Variants in ANGPT2 observed in about 807,000 individuals in gnomAD.
The protein encoded by ANGPT2 is angiopoietin 2.
A neutral mutation model predicts 62.9 loss-of-function variants in ANGPT2; 28 were observed. The observed-to-expected ratio is 0.44, with a 90% CI of 0.33 to 0.61. The LOEUF (loss-of-function observed/expected upper bound fraction) is 0.61, where lower values mean the gene tolerates loss of function less well. Among genes scored for constraint, ANGPT2 ranks in the 20% least tolerant of loss-of-function variants. The pLI is 0.03. For missense variants in ANGPT2, 727 were observed against 594.9 expected (o/e 1.22, Z -2.31); for synonymous variants, 284 against 207.8 (o/e 1.37, Z -3.15).
intron 1 of ANGPT2, among the ~76,000 whole-genome samples, chr8:6,537,956 G>C (rs1820804206): frequency 6.6e-6 from 1 of 151,964 alleles, no homozygotes; most frequent in African/African-American, 2.4e-5. Context: ...AGTGACCTAA[G>C]GTGGACAAAA....
chr8:6,557,518 C>T (rs190576889), intron 1 of ANGPT2, among the ~76,000 whole-genome samples: 1 of 152,172 alleles, frequency 6.6e-6, no homozygotes, highest in South Asian at 2.1e-4. Context: ...TTGTTAGGTT[C>T]CTTCAAGCCA....
Position 6,562,812 on chromosome 8 carries a change from G to A in ANGPT2, c.123C>T (p.Cys41=). The part of the protein sequence containing the change: ...KKQYQVQHGS[C]SYTFLLPEMD... Reference sequence around the variant, plus strand: ...TCTCTGGCAGGAGGAAAGTGTAGCTGCAGGACCCATGCTGGACCTGATATT... The same window carrying A: ...TCTCTGGCAGGAGGAAAGTGTAGCTACAGGACCCATGCTGGACCTGATATT... Residue 41 remains cysteine (C), a synonymous_variant, in exon 1 of 9, where the codon TGC becomes TGT. Transcript: ENST00000629816. 5 of 1,613,596 alleles carry A rather than the reference G, an allele frequency of 3.1e-6. No individual in the cohort carries two copies. The highest frequency in any genetic ancestry group is 2.2e-5 in the South Asian group (2 of 91,062).
At chr8:6,560,523 C>T (rs560466742) in intron 1 of ANGPT2, among the ~76,000 whole-genome samples, 3 of 152,248 alleles carry the variant, frequency 2.0e-5, no homozygotes, top group African/African-American at 4.8e-5. Context: ...GTAAACCGAG[C>T]GAGAGTGCAA....
rs10708602 is a variant in ANGPT2, at chr8:6,551,229, A to AT, written c.288+11417dup. ...AAGCTGAGAGGGCTGCTTATTCGTG[A>AT]TTTTTTTTTTCTTCTTTCTCATGCA... On this transcript the variant is annotated intron_variant, in intron 1 of 8. Transcript: ENST00000629816. Among the ~76,000 whole-genome samples the AT allele has an allele frequency of 1.7e-4, 26 of 150,414 alleles. 1 individual carries two copies. Among genetic ancestry groups the AT allele is most frequent in the East Asian group, 1.2e-3 (6 of 5,110 alleles).
In ANGPT2 at chr8:6,503,032, G is replaced by T; in HGVS notation, c.*69C>A. ...GGAAGAGGACACAGTGCGCAGCCGT[G>T]ACTTTCAGTGCACTGGGCTTAAGTC... On this transcript the variant is annotated 3_prime_UTR_variant, in exon 9 of 9. Transcript: ENST00000629816. The T allele has an allele frequency of 6.3e-7, 1 of 1,580,778 alleles. No individual in the cohort carries two copies. The highest frequency in any genetic ancestry group is 1.2e-5 in the South Asian group (1 of 86,544).
intron 7 of ANGPT2, among the ~76,000 whole-genome samples, chr8:6,510,511 C>G (rs1333422961): frequency 6.6e-6 from 1 of 152,158 alleles, no homozygotes; most frequent in Non-Finnish European, 1.5e-5. Context: ...TTAGTTTTAC[C>G]TGCTGGTCGG....
Position 6,502,883 on chromosome 8 carries a change from C to T in ANGPT2, c.*218G>A, listed in dbSNP as rs373673677. ...TTTGCATAGGTGTTCTGTCTAATCACAATTATGGATGTTTAGGGTCTTGCT... is the reference window on the plus strand; with the variant it reads ...TTTGCATAGGTGTTCTGTCTAATCATAATTATGGATGTTTAGGGTCTTGCT... On this transcript the variant is annotated 3_prime_UTR_variant, in exon 9 of 9. Coordinates refer to ENST00000629816, the MANE Select transcript of ANGPT2 (RefSeq NM_001118887.2). The T allele has an allele frequency of 1.3e-5, 7 of 546,922 alleles. No individual in the cohort carries two copies. Among genetic ancestry groups the T allele is most frequent in the Non-Finnish European group, 2.2e-5 (7 of 311,628 alleles). The allele number at this position is 546,922 out of a possible 1,614,324, so 33.9% of individuals were successfully genotyped here. A position where few individuals can be genotyped will look rare whatever the true frequency, so the allele number is the denominator to read the frequency against.
chr8:6,523,870 A>G (rs936105799), intron 3 of ANGPT2, among the ~76,000 whole-genome samples: 3 of 149,144 alleles, frequency 2.0e-5, no homozygotes, highest in Non-Finnish European at 3.0e-5. Flanking sequence ...TACAGGCATG[A>G]GCCACCGTGC....
At chr8:6,556,761 G>A (rs1040433228) in intron 1 of ANGPT2, among the ~76,000 whole-genome samples, 3 of 151,942 alleles carry the variant, frequency 2.0e-5, no homozygotes, top group Non-Finnish European at 1.5e-5. Context: ...CCACAGCTGC[G>A]TGCCATTGTA....
At chr8:6,536,823 G>A (rs970659848) in intron 1 of ANGPT2, among the ~76,000 whole-genome samples, 20 of 152,096 alleles carry the variant, frequency 1.3e-4, no homozygotes, top group Non-Finnish European at 2.2e-4. Context: ...TGACCTTGAT[G>A]AATTAGTTAT....
intron 1 of ANGPT2, among the ~76,000 whole-genome samples, chr8:6,549,543 T>C (rs1394055838): frequency 2.0e-5 from 3 of 151,872 alleles, no homozygotes; most frequent in Non-Finnish European, 4.4e-5. Context: ...TGCGCACATA[T>C]ATGGATGAGG....
chr8:6,514,284 G>C (rs1192531641), intron 6 of ANGPT2, among the ~76,000 whole-genome samples: 2 of 152,186 alleles, frequency 1.3e-5, no homozygotes, highest in African/African-American at 4.8e-5. Flanking sequence ...CTGCCTCCCA[G>C]GTTCAAGCGA....
At chr8:6,557,541 G>T (rs1473482349) in intron 1 of ANGPT2, among the ~76,000 whole-genome samples, 2 of 152,190 alleles carry the variant, frequency 1.3e-5, no homozygotes, top group African/African-American at 4.8e-5. Context: ...GGAGGATGTA[G>T]TGAAAAGAGA....
intron 4 of ANGPT2, 27 bp downstream of exon 4, chr8:6,521,151 T>C (rs1238763625): frequency 6.3e-7 from 1 of 1,592,250 alleles, no homozygotes; most frequent in East Asian, 2.2e-5. Flanking sequence ...TTATTAACGC[T>C]GAAGAAAGCA....
chr8:6,527,047 C>T (rs1323981267), intron 3 of ANGPT2, among the ~76,000 whole-genome samples: 1 of 152,198 alleles, frequency 6.6e-6, no homozygotes, highest in African/African-American at 2.4e-5. Context: ...ATACTATAGA[C>T]CATTCTGCGT....
intron 1 of ANGPT2, among the ~76,000 whole-genome samples, chr8:6,534,096 C>G (rs1427337661): frequency 2.0e-5 from 3 of 152,144 alleles, no homozygotes; most frequent in African/African-American, 7.2e-5. Context: ...GGCAGTCGTT[C>G]TCCCGTGGAT....
intron 8 of ANGPT2, among the ~76,000 whole-genome samples, chr8:6,505,392 T>C (rs1178706299): frequency 0.022 from 1,635 of 74,018 alleles, 87 homozygotes; most frequent in African/African-American, 0.031. Context: ...TTTCTATATG[T>C]ATATAGAATA....
At position 6,501,235 on chromosome 8, in the gene ANGPT2, A is replaced by G. The variant is rs539474725; in HGVS notation, c.*1866T>C. ...ATATGTAGCAACACCTGTGTGTTCTAAAACTACGTCAAGTGGTGGGGAGAA... is the reference window on the plus strand; with the variant it reads ...ATATGTAGCAACACCTGTGTGTTCTGAAACTACGTCAAGTGGTGGGGAGAA... On this transcript the variant is annotated 3_prime_UTR_variant, in exon 9 of 9. Transcript: ENST00000629816. 6.6e-6 allele frequency: 1 copy of G among 152,342 alleles called. No homozygotes were observed. The highest frequency in any genetic ancestry group is 1.9e-4 in the East Asian group (1 of 5,190). The allele number at this position is 152,342 out of a possible 1,614,324, so 9.4% of individuals were successfully genotyped here. A position where few individuals can be genotyped will look rare whatever the true frequency, so the allele number is the denominator to read the frequency against.
intron 1 of ANGPT2, 87 bp from the exon 2 acceptor site, chr8:6,532,574 TAAAA>T (rs10662997): frequency 6.8e-5 from 40 of 590,390 alleles, no homozygotes; most frequent in South Asian, 1.3e-4. Flanking sequence ...TCCCTATCTT[TAAAA>T]AAAAAAAAAA....
Sources: gnomAD v4.1 joint callset for allele counts (sites outside exome capture counted in the v4.1 genomes callset) on GRCh38, gnomAD v4.1.1 for gene constraint, MANE v1.5 for transcripts, NCBI Gene and HGNC (gene_info 2026-07-23, HGNC 2026-07-21) for gene names.